PID1: variants seen among roughly 807,000 people sequenced by gnomAD.
PID1 encodes phosphotyrosine interaction domain containing 1.
In PID1, 10 loss-of-function variants were observed where a neutral mutation model predicts 19.1. That is an observed-to-expected ratio of 0.52 (90% CI 0.32 to 0.89). PID1 has a LOEUF of 0.89. PID1 is among the 40% of genes least tolerant of loss of function. The probability of loss-of-function intolerance (pLI) is 0.03; values close to 1 mark genes in which losing one functional copy is unlikely to be tolerated. For missense variants in PID1, 248 were observed against 285.3 expected, an observed-to-expected ratio of 0.87 and a Z score of 0.94; for synonymous variants, 130 against 116.0, an observed-to-expected ratio of 1.12 and a Z score of -0.78.
At chr2:229,141,588 G>A (rs1409039118) in intron 2 of PID1, among the ~76,000 whole-genome samples, 2 of 152,028 alleles carry the variant, frequency 1.3e-5, no homozygotes, top group African/African-American at 2.4e-5. Context: ...TTCTAGCACT[G>A]CTCATAAGTG....
chr2:229,135,427 C>A (rs1409678454), intron 2 of PID1, among the ~76,000 whole-genome samples: 3 of 152,138 alleles, frequency 2.0e-5, no homozygotes, highest in Non-Finnish European at 4.4e-5. Flanking sequence ...ATATGTATGA[C>A]ATATCCAGAA....
At chr2:229,109,419 C>T (rs1012599954) in intron 2 of PID1, among the ~76,000 whole-genome samples, 13 of 152,156 alleles carry the variant, frequency 8.5e-5, no homozygotes, top group African/African-American at 2.7e-4. Context: ...ACACGCTAGT[C>T]GGCATGTTAA....
intron 1 of PID1, among the ~76,000 whole-genome samples, chr2:229,228,919 T>C (rs959845924): frequency 1.1e-4 from 17 of 152,328 alleles, no homozygotes; most frequent in Admixed American, 9.8e-4. Context: ...GGAGAGAACA[T>C]ATTCCTTGTT....
chr2:229,235,239 G>A (rs542224779), intron 1 of PID1, among the ~76,000 whole-genome samples: 1 of 152,254 alleles, frequency 6.6e-6, no homozygotes, highest in African/African-American at 2.4e-5. Context: ...TGGAGAAAAG[G>A]AAAAGTAAGG....
At chr2:229,268,604 G>A (rs766607974) in intron 1 of PID1, among the ~76,000 whole-genome samples, 4 of 152,104 alleles carry the variant, frequency 2.6e-5, no homozygotes, top group Non-Finnish European at 5.9e-5. Context: ...TTGTATTAAA[G>A]ATAAATGAGA....
At position 229,058,727 on chromosome 2, in the gene PID1, G is replaced by GAAAAAAAAAAAAAA. The variant is rs5839294; in HGVS notation, c.178-32633_178-32620dup. Among the ~76,000 whole-genome samples the GAAAAAAAAAAAAAA allele has an allele frequency of 2.2e-5, 3 of 134,760 alleles. 1 individual carries two copies. Among genetic ancestry groups the GAAAAAAAAAAAAAA allele is most frequent in the Non-Finnish European group, 4.7e-5 (3 of 64,398 alleles). The allele number at this position is 134,760 out of a possible 152,430, so 88.4% of individuals were successfully genotyped here. ...TTAATTAAATTGAGGGTAATAATTT[G>GAAAAAAAAAAAAAA]AAAAAAAAAAAAAAAAGTGAGTTCC... On this transcript the variant is annotated intron_variant, in intron 2 of 2. Coordinates refer to ENST00000392055, the MANE Select transcript of PID1 (RefSeq NM_001100818.2).
intron 2 of PID1, among the ~76,000 whole-genome samples, chr2:229,091,386 T>C (rs768057801): frequency 6.7e-6 from 1 of 150,306 alleles, no homozygotes; most frequent in African/African-American, 2.5e-5. Context: ...AAAGCTGATA[T>C]GCAATTACAT....
intron 1 of PID1, among the ~76,000 whole-genome samples, chr2:229,232,247 C>T (rs1692226210): frequency 6.6e-6 from 1 of 151,702 alleles, no homozygotes; most frequent in Non-Finnish European, 1.5e-5. Context: ...CACAGTGAAA[C>T]CCCATCTCTA....
intron 2 of PID1, among the ~76,000 whole-genome samples, chr2:229,032,579 C>G (rs1343899626): frequency 6.6e-6 from 1 of 152,174 alleles, no homozygotes; most frequent in Non-Finnish European, 1.5e-5. Context: ...GAGCCTTCAC[C>G]ACCCAGGGTG....
chr2:229,174,330 A>G (rs115177371), intron 1 of PID1, among the ~76,000 whole-genome samples: 3,249 of 152,288 alleles, frequency 0.021, 57 homozygotes, highest in South Asian at 0.028. Context: ...TTCCACGGGT[A>G]GATGATAGAG....
chr2:229,198,465 G>A (rs1691424850), intron 1 of PID1, among the ~76,000 whole-genome samples: 1 of 151,966 alleles, frequency 6.6e-6, no homozygotes, highest in Non-Finnish European at 1.5e-5. Context: ...GCCTAGATGA[G>A]ACCTATCCTC....
rs566172927 is a variant in PID1, at chr2:229,244,156, C to T, written c.30+26858G>A. Reference sequence around the variant, plus strand: ...TCTCAACTGAAAACTCATGCAACCTCATTTAACCACTATTTCAATGAGACA... The same window carrying T: ...TCTCAACTGAAAACTCATGCAACCTTATTTAACCACTATTTCAATGAGACA... On this transcript the variant is annotated intron_variant, in intron 1 of 2. Transcript: ENST00000392055. 2.6e-5 allele frequency among the ~76,000 whole-genome samples: 4 copies of T among 152,254 alleles called. No homozygotes were observed. The South Asian group carries it at 8.3e-4, about 32-fold the overall frequency.
chr2:229,197,273 T>C (rs1485200791), intron 1 of PID1, among the ~76,000 whole-genome samples: 1 of 152,026 alleles, frequency 6.6e-6, no homozygotes, highest in Non-Finnish European at 1.5e-5. Flanking sequence ...TAACCCTTGA[T>C]GGTACATAAA....
chr2:229,179,541 T>G (rs1040692726), intron 1 of PID1, among the ~76,000 whole-genome samples: 7 of 152,152 alleles, frequency 4.6e-5, no homozygotes, highest in Non-Finnish European at 1.0e-4. Flanking sequence ...CCCTCAAATT[T>G]TCATACCATT....
chr2:229,061,322 T>G (rs191800960), intron 2 of PID1, among the ~76,000 whole-genome samples: 1 of 152,204 alleles, frequency 6.6e-6, no homozygotes, highest in East Asian at 1.9e-4. Flanking sequence ...CTTCTGCATG[T>G]GGAGAACCAG....
rs1313782802 is a variant in PID1, at chr2:229,244,110, C to A, written c.30+26904G>T. 4.6e-5 allele frequency among the ~76,000 whole-genome samples: 7 copies of A among 152,090 alleles called. No individual in the cohort carries two copies. In the East Asian group the frequency reaches 1.3e-3, roughly 29 times the overall value. ...AAAGCAAAAACTAGCATTATGTAAA[C>A]AAAATATGTTATTTTTTAGTTCTCA... is the stretch of plus-strand genomic sequence containing the variant. On this transcript the variant is annotated intron_variant, in intron 1 of 2. Coordinates refer to ENST00000392055, the MANE Select transcript of PID1 (RefSeq NM_001100818.2).
Position 229,025,894 on chromosome 2 carries a change from G to C in PID1, c.392C>G (p.Ala131Gly). 1 of 1,614,188 alleles carries C rather than the reference G, an allele frequency of 6.2e-7. No individual in the cohort carries two copies. Among genetic ancestry groups the C allele is most frequent in the Non-Finnish European group, 8.5e-7 (1 of 1,180,026 alleles). Residue 131 changes from alanine (A) to glycine (G), a missense_variant, in exon 3 of 3, where the codon GCC (alanine) becomes GGC (glycine). Ala to Gly is a moderately conservative substitution (Grantham distance 60). Coordinates refer to ENST00000392055, the MANE Select transcript of PID1 (RefSeq NM_001100818.2). ...ATVHMDTFQV[A>G]RIAYCTADHN... ...GTCGGCGGTGCAGTAGGCGATGCGG[G>C]CCACCTGGAAGGTATCCATGTGCAC...
intron 1 of PID1, chr2:229,232,041 G>C: frequency 6.5e-7 from 1 of 1,546,136 alleles, no homozygotes; most frequent in Non-Finnish European, 8.7e-7. Context: ...AAGGCTAAGG[G>C]GCAGGCTGAA....
intron 1 of PID1, among the ~76,000 whole-genome samples, chr2:229,211,181 G>C (rs1691726166): frequency 6.6e-6 from 1 of 152,216 alleles, no homozygotes; most frequent in Admixed American, 6.5e-5. Flanking sequence ...GCTGGTTTAG[G>C]GGAATTAAGT....
Sources: gnomAD v4.1 joint callset for allele counts (sites outside exome capture counted in the v4.1 genomes callset) on GRCh38, gnomAD v4.1.1 for gene constraint, MANE v1.5 for transcripts, NCBI Gene and HGNC (gene_info 2026-07-23, HGNC 2026-07-21) for gene names.